The following MKLN1 variants were observed in gnomAD, a reference collection of about 807,000 sequenced individuals.
MKLN1 encodes the protein muskelin.
MKLN1 carries 18 observed loss-of-function variants against 99.0 expected under a neutral mutation model. That is an observed-to-expected ratio of 0.18 (90% CI 0.13 to 0.27). The LOEUF is 0.27. Among genes scored for constraint, MKLN1 ranks in the 10% least tolerant of loss-of-function variants. The pLI, the probability that MKLN1 is intolerant of heterozygous loss-of-function variation, is 1.00. For synonymous variants in MKLN1, 288 were observed against 293.2 expected (o/e 0.98, Z 0.18); for missense variants, 621 against 875.9 (o/e 0.71, Z 3.67).
chr7:131,323,405 A>C (rs2116667783), upstream of MKLN1: 1 of 152,272 alleles, frequency 6.6e-6, no homozygotes, highest in Non-Finnish European at 1.5e-5. Flanking sequence ...GATTTCTTTT[A>C]GAAGTTTTTA....
At chr7:131,444,364 G>A (rs1012327661) in intron 11 of MKLN1, among the ~76,000 whole-genome samples, 8 of 151,872 alleles carry the variant, frequency 5.3e-5, no homozygotes, top group Admixed American at 1.3e-4. Flanking sequence ...TGATCCACCC[G>A]CCTCTGCCTT....
intron 3 of MKLN1, among the ~76,000 whole-genome samples, chr7:131,205,327 T>C (rs1180872237): frequency 6.6e-6 from 1 of 152,162 alleles, no homozygotes; most frequent in Non-Finnish European, 1.5e-5. Flanking sequence ...AATAATGTAA[T>C]ACATTTCTTT....
chr7:131,485,371 G>A (rs2116703378), intron 17 of MKLN1, among the ~76,000 whole-genome samples: 1 of 152,174 alleles, frequency 6.6e-6, no homozygotes, highest in South Asian at 2.1e-4. Context: ...GTCAACAACT[G>A]TAGAAGGAGT....
At chr7:131,233,300 G>A (rs906980107) in intron 3 of MKLN1, among the ~76,000 whole-genome samples, 1 of 151,866 alleles carries the variant, frequency 6.6e-6, no homozygotes, top group African/African-American at 2.4e-5. Context: ...TTGAGCTCAG[G>A]AGATTGAGAT....
intron 1 of MKLN1, among the ~76,000 whole-genome samples, chr7:131,356,653 C>T (rs1799891192): frequency 6.6e-6 from 1 of 152,124 alleles, no homozygotes; most frequent in South Asian, 2.1e-4. Flanking sequence ...TCTGTCGTGT[C>T]CCACTGATGG....
At chr7:131,378,686 C>T (rs946093194) in intron 2 of MKLN1, among the ~76,000 whole-genome samples, 99 of 151,898 alleles carry the variant, frequency 6.5e-4, no homozygotes, top group African/African-American at 2.2e-3. Flanking sequence ...AAAAAGTAGT[C>T]GGGCATGGTA....
At chr7:131,166,584 C>T (rs1243807080) in intron 2 of MKLN1, among the ~76,000 whole-genome samples, 2 of 152,164 alleles carry the variant, frequency 1.3e-5, no homozygotes, top group Admixed American at 1.3e-4. Flanking sequence ...CGACATGGGT[C>T]TGTCTTAGGG....
chr7:131,154,384 T>G (rs149969962), intron 2 of MKLN1, among the ~76,000 whole-genome samples: 1 of 152,142 alleles, frequency 6.6e-6, no homozygotes, highest in Admixed American at 6.5e-5. Context: ...CCCGGCCTAA[T>G]TGTGGTAATT....
intron 3 of MKLN1, among the ~76,000 whole-genome samples, chr7:131,280,649 ATT>A (rs138186803): frequency 6.8e-6 from 1 of 147,480 alleles, no homozygotes; most frequent in Non-Finnish European, 1.5e-5. Context: ...TTTTCTTTTA[ATT>A]TTTTTTTTCT....
At chr7:131,180,393 C>T (rs1796361410) in intron 2 of MKLN1, among the ~76,000 whole-genome samples, 1 of 151,922 alleles carries the variant, frequency 6.6e-6, no homozygotes, top group Admixed American at 6.6e-5. Context: ...AAGAAGAAAC[C>T]AATGTTTTAT....
intron 1 of MKLN1, chr7:131,328,355 C>T (rs1465040717): frequency 7.8e-6 from 2 of 256,322 alleles, no homozygotes; most frequent in Non-Finnish European, 1.5e-5. Flanking sequence ...GGGCCCTGCC[C>T]GCGGGCAAAC....
At chr7:131,406,135 T>C (rs916998784) in intron 6 of MKLN1, among the ~76,000 whole-genome samples, 7 of 152,026 alleles carry the variant, frequency 4.6e-5, no homozygotes, top group African/African-American at 1.7e-4. Flanking sequence ...AATCTTTTAT[T>C]ATGAAGTGCC....
intron 12 of MKLN1, among the ~76,000 whole-genome samples, chr7:131,454,695 A>C (rs1051493459): frequency 6.6e-6 from 1 of 152,192 alleles, no homozygotes; most frequent in African/African-American, 2.4e-5. Flanking sequence ...ATTTCACTTT[A>C]CCTTCCTCCC....
In MKLN1 at chr7:131,417,103, C is replaced by T. The variant is rs3823558; in HGVS notation, c.847+2393C>T. On this transcript the variant is annotated intron_variant, in intron 8 of 17. Transcript: ENST00000352689. Reference sequence around the variant, plus strand: ...ACTATTGTAGTCATGGAATTTTACTCCAGATGGGACCTTTAAAAGAGTAAT... The same window carrying T: ...ACTATTGTAGTCATGGAATTTTACTTCAGATGGGACCTTTAAAAGAGTAAT... 1.6e-3 allele frequency among the ~76,000 whole-genome samples: 239 copies of T among 151,818 alleles called. 3 individuals are homozygous for T. In the East Asian group the frequency reaches 0.036, roughly 23 times the overall value.
At chr7:131,442,310 G>C in intron 10 of MKLN1, among the ~76,000 whole-genome samples, 1 of 152,228 alleles carries the variant, frequency 6.6e-6, no homozygotes, top group South Asian at 2.1e-4. Flanking sequence ...CACTTTGGGA[G>C]GCCGAGGCAG....
intron 3 of MKLN1, among the ~76,000 whole-genome samples, chr7:131,220,548 C>G (rs977667993): frequency 1.3e-5 from 2 of 152,136 alleles, no homozygotes; most frequent in Admixed American, 6.5e-5. Context: ...TCAAACACAT[C>G]TCCAGGAGGA....
chr7:131,190,459 GA>G (rs551433955), intron 2 of MKLN1, among the ~76,000 whole-genome samples: 18,042 of 132,932 alleles, frequency 0.14, 1,227 homozygotes, highest in African/African-American at 0.21. Context: ...TTGCAGCTCT[GA>G]AAAAAAAAAA....
chr7:131,411,776 G>A (rs1314558314), intron 7 of MKLN1, among the ~76,000 whole-genome samples: 4 of 151,758 alleles, frequency 2.6e-5, no homozygotes, highest in Non-Finnish European at 5.9e-5. Context: ...GCGTGATGGT[G>A]TGTGCCTGTA....
At chr7:131,320,145 A>T (rs1798748558) in intron 3 of MKLN1, among the ~76,000 whole-genome samples, 1 of 152,226 alleles carries the variant, frequency 6.6e-6, no homozygotes. Flanking sequence ...AAAATAACAA[A>T]GTTGGAGGCA....
Sources: gnomAD v4.1 joint callset for allele counts (sites outside exome capture counted in the v4.1 genomes callset) on GRCh38, gnomAD v4.1.1 for gene constraint, MANE v1.5 for transcripts, NCBI Gene and HGNC (gene_info 2026-07-23, HGNC 2026-07-21) for gene names.